Variants in SKI observed in about 807,000 individuals in gnomAD.
SKI encodes ski oncogene.
SKI carries 23 observed loss-of-function variants against 59.3 expected under a neutral mutation model. The observed-to-expected ratio is 0.39, with a 90% confidence interval of 0.28 to 0.55. The LOEUF is 0.55. SKI is among the 20% of genes least tolerant of loss of function. The pLI, the probability that SKI is intolerant of heterozygous loss-of-function variation, is 0.67. For synonymous variants in SKI, 673 were observed against 488.6 expected (o/e 1.38, Z -4.98); for missense variants, 1,017 against 1,038.9 (o/e 0.98, Z 0.29).
At chr1:2,237,307 G>A (rs897835948) in intron 1 of SKI, among the ~76,000 whole-genome samples, 2 of 152,238 alleles carry the variant, frequency 1.3e-5, no homozygotes, top group Admixed American at 6.5e-5. Flanking sequence ...CGCCCTGTGT[G>A]TATCTGGAGT....
intron 1 of SKI, among the ~76,000 whole-genome samples, chr1:2,250,063 G>T (rs958652371): frequency 2.0e-5 from 3 of 151,862 alleles, no homozygotes; most frequent in African/African-American, 7.3e-5. Context: ...CGCCCACCAC[G>T]CCCGGCTAAT....
rs932615440 is a variant in SKI, at chr1:2,252,000, G to A, written c.969+22265G>A. 3.9e-5 allele frequency among the ~76,000 whole-genome samples: 6 copies of A among 152,122 alleles called. No homozygotes were observed. The South Asian group carries it at 1.0e-3, about 26-fold the overall frequency. On this transcript the variant is annotated intron_variant, in intron 1 of 6. Coordinates refer to ENST00000378536, the MANE Select transcript of SKI (RefSeq NM_003036.4). ...CCTGGCAGTGGCTGTGCCCAGACGC[G>A]CCGTGGCACGTGGGAGTGATGCTGG... is the stretch of plus-strand genomic sequence containing the variant.
chr1:2,287,651 C>T lies in SKI; in HGVS notation c.970-15327C>T, dbSNP rs963244380. 9.9e-5 allele frequency among the ~76,000 whole-genome samples: 15 copies of T among 152,056 alleles called. No homozygotes were observed. In the East Asian group the frequency reaches 1.9e-3, roughly 20 times the overall value. Reference sequence around the variant, plus strand: ...GTGGTCTCTGTCTCAAGGTGGGCTACGAGGGTCTGCCGCAGGGGGGGTGTG... The same window carrying T: ...GTGGTCTCTGTCTCAAGGTGGGCTATGAGGGTCTGCCGCAGGGGGGGTGTG... On this transcript the variant is annotated intron_variant, in intron 1 of 6. Coordinates refer to ENST00000378536, the MANE Select transcript of SKI (RefSeq NM_003036.4).
intron 5 of SKI, among the ~76,000 whole-genome samples, 193 bp downstream of exon 5, chr1:2,304,778 G>GC (rs1343628313): frequency 6.6e-6 from 1 of 152,244 alleles, no homozygotes; most frequent in Non-Finnish European, 1.5e-5. Context: ...GGTATGGTGA[G>GC]CCCCTCAGTG....
chr1:2,245,788 CTTTTTTTT>C (rs766445644), intron 1 of SKI, among the ~76,000 whole-genome samples: 15 of 70,380 alleles, frequency 2.1e-4, no homozygotes, highest in East Asian at 9.7e-4. Context: ...ATTTTTCCTT[CTTTTTTTT>C]TTTTTTTTTT....
At chr1:2,253,138 T>C (rs1639198474) in intron 1 of SKI, among the ~76,000 whole-genome samples, 1 of 151,314 alleles carries the variant, frequency 6.6e-6, no homozygotes, top group East Asian at 1.9e-4. Flanking sequence ...GAGTAAATAT[T>C]TCATAACGCG....
chr1:2,250,224 G>A (rs1639112084), intron 1 of SKI, among the ~76,000 whole-genome samples: 1 of 152,196 alleles, frequency 6.6e-6, no homozygotes, highest in Non-Finnish European at 1.5e-5. Flanking sequence ...CTGTTTTAAG[G>A]AAACCACTCA....
At chr1:2,237,821 C>T (rs897321838) in intron 1 of SKI, among the ~76,000 whole-genome samples, 3 of 152,242 alleles carry the variant, frequency 2.0e-5, no homozygotes, top group Admixed American at 6.5e-5. Flanking sequence ...GTGCTGAGCT[C>T]GTCCTGCAGA....
At chr1:2,295,087 G>A (rs992561560) in intron 1 of SKI, among the ~76,000 whole-genome samples, 1 of 152,266 alleles carries the variant, frequency 6.6e-6, no homozygotes, top group Non-Finnish European at 1.5e-5. Context: ...TTCCAGAGGT[G>A]AAGTTGCACT....
At position 2,301,405 on chromosome 1, in the gene SKI, G is replaced by A. The variant is rs548744757; in HGVS notation, c.970-1573G>A. Among the ~76,000 whole-genome samples, 237 of 150,710 alleles carry A rather than the reference G, an allele frequency of 1.6e-3. 7 individuals are homozygous for A. The South Asian group carries it at 0.047, about 30-fold the overall frequency. On this transcript the variant is annotated intron_variant, in intron 1 of 6. Coordinates refer to ENST00000378536, the MANE Select transcript of SKI (RefSeq NM_003036.4). ...CAGGGGCTGCCTGCCCTGCGTCCCCGGCCCTGTGCGCCCGAGCACTTATCT... is the reference window on the plus strand; with the variant it reads ...CAGGGGCTGCCTGCCCTGCGTCCCCAGCCCTGTGCGCCCGAGCACTTATCT...
At chr1:2,293,516 C>T (rs1481150593) in intron 1 of SKI, among the ~76,000 whole-genome samples, 4 of 152,116 alleles carry the variant, frequency 2.6e-5, no homozygotes, top group East Asian at 1.9e-4. Context: ...TCTGTCCCCA[C>T]CATCGTGCCC....
intron 1 of SKI, among the ~76,000 whole-genome samples, chr1:2,250,345 C>T (rs1639117515): frequency 6.6e-6 from 1 of 152,214 alleles, no homozygotes; most frequent in African/African-American, 2.4e-5. Context: ...TGTCCGTTCC[C>T]AGCGTGTCCT....
rs1396553240 is a variant in SKI, at chr1:2,309,704, G to GC, written c.*2946dup. The GC allele has an allele frequency of 8.7e-5, 2 of 23,022 alleles. No individual in the cohort carries two copies. Among genetic ancestry groups the GC allele is most frequent in the Non-Finnish European group, 1.6e-4 (2 of 12,308 alleles). The allele number at this position is 23,022 out of a possible 1,614,324, so 1.4% of individuals were successfully genotyped here. A position where few individuals can be genotyped will look rare whatever the true frequency, so the allele number is the denominator to read the frequency against. On this transcript the variant is annotated 3_prime_UTR_variant, in exon 7 of 7. Transcript: ENST00000378536. ...CTCCTCCCTGTGGGTCCGAACCCCG[G>GC]CCCCCCCACCCCCTCCTCCCTGTGG...
In SKI at chr1:2,306,603, G is replaced by A. The variant is rs1318717542; in HGVS notation, c.2025G>A (p.Gln675=). 2.6e-6 allele frequency: 4 copies of A among 1,543,904 alleles called. No homozygotes were observed. The highest frequency in any genetic ancestry group is 2.5e-5 in the East Asian group (1 of 40,744). Residue 675 remains glutamine, a synonymous_variant, in exon 7 of 7, where the codon CAG becomes CAA. Coordinates refer to ENST00000378536, the MANE Select transcript of SKI (RefSeq NM_003036.4). The stretch of plus-strand genomic sequence containing the variant: ...TCGAAGACCTGCAGGTGAAGCTGCA[G>A]CACGCGGAGGCGGACCGGGAGCAGC... The part of the protein sequence containing the change: ...AQIEDLQVKL[Q]HAEADREQLR...
At chr1:2,295,504 C>T (rs895728054) in intron 1 of SKI, among the ~76,000 whole-genome samples, 2 of 152,196 alleles carry the variant, frequency 1.3e-5, no homozygotes, top group Non-Finnish European at 2.9e-5. Context: ...ATTTTTGTCA[C>T]CCCCAACAAG....
chr1:2,228,901 G>T lies in SKI; in HGVS notation c.135G>T (p.Glu45Asp). ...CTTTCTCGGCGCGCTGGGCGCAGGA[G>T]GCCTACAAGAAGGAGAGCGCCAAGG... Reference protein sequence around the residue: ...PAAFSARWAQEAYKKESAKEA... With the variant: ...PAAFSARWAQDAYKKESAKEA... Residue 45 changes from glutamate to aspartate, a missense_variant, in exon 1 of 7, where the codon GAG (glutamate) becomes GAT (aspartate). Transcript: ENST00000378536. 7.0e-7 allele frequency: 1 copy of T among 1,419,604 alleles called. No homozygotes were observed. The highest frequency in any genetic ancestry group is 1.5e-5 in the African/African-American group (1 of 67,322). The allele number at this position is 1,419,604 out of a possible 1,614,324, so 87.9% of individuals were successfully genotyped here.
chr1:2,250,113 C>T (rs1356576108), intron 1 of SKI, among the ~76,000 whole-genome samples: 2 of 152,164 alleles, frequency 1.3e-5, no homozygotes, highest in African/African-American at 4.8e-5. Flanking sequence ...ACCATGTTGG[C>T]CAAGCTAGTC....
chr1:2,275,201 G>T (rs904293578), intron 1 of SKI, among the ~76,000 whole-genome samples: 1 of 152,250 alleles, frequency 6.6e-6, no homozygotes, highest in Admixed American at 6.5e-5. Flanking sequence ...GTCCTGGTCT[G>T]ATTCTGTCTT....
At chr1:2,246,500 G>C (rs1569710598) in intron 1 of SKI, among the ~76,000 whole-genome samples, 1 of 152,086 alleles carries the variant, frequency 6.6e-6, no homozygotes. Flanking sequence ...GTTGCTGGAG[G>C]CTGCCTCTGT....
Sources: gnomAD v4.1 joint callset for allele counts (sites outside exome capture counted in the v4.1 genomes callset) on GRCh38, gnomAD v4.1.1 for gene constraint, MANE v1.5 for transcripts, NCBI Gene and HGNC (gene_info 2026-07-23, HGNC 2026-07-21) for gene names.